Variants in SLC12A2 observed in about 807,000 individuals in gnomAD.
SLC12A2 encodes the protein solute carrier family 12 member 2.
Under a neutral mutation model 136.3 loss-of-function variants are expected in SLC12A2, and 67 were observed. The ratio of observed to expected loss-of-function variants is 0.49; its 90% CI spans 0.40 to 0.60. The LOEUF is 0.60. SLC12A2 is among the 20% of genes least tolerant of loss of function. The pLI is 0.00. For synonymous variants in SLC12A2, 619 were observed against 562.9 expected (o/e 1.10, Z -1.41); for missense variants, 1,322 against 1,534.7 (o/e 0.86, Z 2.32).
At chr5:128,111,091 T>G (rs1761126973) in intron 1 of SLC12A2, 1 of 515,090 alleles carries the variant, frequency 1.9e-6, no homozygotes, top group Non-Finnish European at 3.6e-6. Flanking sequence ...CAATATAAAA[T>G]CTGTGTGATT....
intron 1 of SLC12A2, among the ~76,000 whole-genome samples, chr5:128,100,595 A>G (rs544928020): frequency 1.3e-5 from 2 of 152,276 alleles, no homozygotes; most frequent in South Asian, 2.1e-4. Flanking sequence ...TGAGAAATAC[A>G]TGAAAAATCA....
At chr5:128,153,231 A>G (rs901712858) in intron 15 of SLC12A2, among the ~76,000 whole-genome samples, 1 of 152,180 alleles carries the variant, frequency 6.6e-6, no homozygotes, top group Non-Finnish European at 1.5e-5. Flanking sequence ...ATTTATTACT[A>G]TTTTCCTCAA....
Position 128,152,701 on chromosome 5 carries a change from C to T in SLC12A2, c.2264-5C>T. On this transcript the variant is annotated splice_polypyrimidine_tract_variant and splice_region_variant and intron_variant, in intron 14 of 26. Transcript: ENST00000262461. ...TAATGCTGCATGAACATTATCTTCC[C>T]ACAGATGTGAATTGGGGATCCTCTA... 2.5e-6 allele frequency: 4 copies of T among 1,579,250 alleles called. No homozygotes were observed. Among genetic ancestry groups the T allele is most frequent in the Non-Finnish European group, 3.5e-6 (4 of 1,148,482 alleles).
At chr5:128,178,282 T>C (rs1271637376) in intron 21 of SLC12A2, 1 of 189,024 alleles carries the variant, frequency 5.3e-6, no homozygotes, top group Non-Finnish European at 1.1e-5. Flanking sequence ...TTTATTGTTA[T>C]TTATGATTCT....
chr5:128,183,958 G>A (rs1331745692), intron 24 of SLC12A2, among the ~76,000 whole-genome samples: 2 of 151,968 alleles, frequency 1.3e-5, no homozygotes, highest in African/African-American at 2.4e-5. Context: ...TCAACCAAAA[G>A]TGTTTCAGAT....
At chr5:128,137,450 T>C (rs1016399287) in intron 7 of SLC12A2, among the ~76,000 whole-genome samples, 3 of 152,210 alleles carry the variant, frequency 2.0e-5, no homozygotes, top group Non-Finnish European at 4.4e-5. Context: ...TGTAACCACA[T>C]TGAATTAGAT....
rs917203250 is a variant in SLC12A2 at position 128,084,540 on chromosome 5, C to T, written c.586C>T (p.His196Tyr). 6.2e-7 allele frequency: 1 copy of T among 1,613,696 alleles called. No individual in the cohort carries two copies. Among genetic ancestry groups the T allele is most frequent in the Non-Finnish European group, 8.5e-7 (1 of 1,179,990 alleles). Residue 196 changes from histidine to tyrosine, a missense_variant, in exon 1 of 27, where the codon CAC becomes TAC. Transcript: ENST00000262461. The surrounding 1 kb of genome is among the most constrained non-coding windows in gnomAD (Gnocchi z 5.6). ...CGGCGGCGGCGGCGGCAGTGGGCAC[C>T]ACCAGCACTACTATTATGATACCCA... ...HSGGGGGSGH[H>Y]QHYYYDTHTN...
intron 1 of SLC12A2, among the ~76,000 whole-genome samples, chr5:128,107,552 C>A (rs181710869): frequency 7.2e-4 from 110 of 152,306 alleles, no homozygotes; most frequent in Non-Finnish European, 1.3e-3. Flanking sequence ...GTTTGGTTTT[C>A]TGTTCTTGTG....
chr5:128,125,888 C>T (rs979431272), intron 4 of SLC12A2, among the ~76,000 whole-genome samples: 7 of 152,154 alleles, frequency 4.6e-5, no homozygotes, highest in African/African-American at 1.7e-4. Context: ...CATCCTTGTA[C>T]ACATATCCAC....
At chr5:128,171,897 C>T in intron 19 of SLC12A2, 151 bp downstream of exon 19, 1 of 512,724 alleles carries the variant, frequency 2.0e-6, no homozygotes, top group East Asian at 3.3e-5. Context: ...ATCTGTTTGG[C>T]TCCACTAAAG....
intron 7 of SLC12A2, 120 bp downstream of exon 7, chr5:128,135,928 C>G: frequency 1.5e-6 from 1 of 679,694 alleles, no homozygotes; most frequent in Admixed American, 2.7e-5. Flanking sequence ...GTGATTCACC[C>G]TAATTTACAA....
intron 15 of SLC12A2, among the ~76,000 whole-genome samples, chr5:128,154,071 A>C (rs866781098): frequency 2.1e-4 from 29 of 140,370 alleles, no homozygotes; most frequent in African/African-American, 3.9e-4. Flanking sequence ...AAAAAAACAA[A>C]AAAAAAAAAC....
At chr5:128,179,444 C>G (rs1264272384) in intron 22 of SLC12A2, among the ~76,000 whole-genome samples, 1 of 152,082 alleles carries the variant, frequency 6.6e-6, no homozygotes, top group Non-Finnish European at 1.5e-5. Flanking sequence ...TTAGACTGTT[C>G]TTGTGTTGCT....
intron 1 of SLC12A2, chr5:128,110,252 T>G (rs755382136): frequency 7.4e-6 from 6 of 808,952 alleles, no homozygotes; most frequent in Admixed American, 1.7e-5. Context: ...TCCGACCTTT[T>G]CCTGGTGTGG....
intron 1 of SLC12A2, among the ~76,000 whole-genome samples, chr5:128,085,083 A>G (rs1044198185): frequency 6.6e-6 from 1 of 151,520 alleles, no homozygotes; most frequent in African/African-American, 2.4e-5. Context: ...GAGAGGTTGG[A>G]GAGCACCTAC....
At position 128,084,516 on chromosome 5, in the gene SLC12A2, G is replaced by T; in HGVS notation, c.562G>T (p.Gly188Cys). 1 of 1,606,734 alleles carries T rather than the reference G, an allele frequency of 6.2e-7. No individual in the cohort carries two copies. Among genetic ancestry groups the T allele is most frequent in the Non-Finnish European group, 8.5e-7 (1 of 1,176,348 alleles). The change falls in exon 1 of 27, where the codon GGC becomes TGC. Residue 188 changes from glycine (G) to cysteine (C), a missense_variant. Physicochemically the swap from Gly to Cys is radical, Grantham distance 159. This residue lies in a region of SLC12A2 where 358 missense variants were observed against 299.7 expected (regional missense o/e 1.19). Transcript: ENST00000262461. This position sits in a 1 kb window ranked among gnomAD's most constrained non-coding sequence, Gnocchi z 5.6. Reference protein sequence around the residue: ...VLSEGSSLHSGGGGGSGHHQH... With the variant: ...VLSEGSSLHSCGGGGSGHHQH... ...GAGCGAGGGCAGCAGCCTGCACTCCGGCGGCGGCGGCGGCAGTGGGCACCA... is the reference window on the plus strand; with the variant it reads ...GAGCGAGGGCAGCAGCCTGCACTCCTGCGGCGGCGGCGGCAGTGGGCACCA...
At chr5:128,167,658 A>T in intron 17 of SLC12A2, 103 bp from the exon 18 acceptor site, 1 of 672,142 alleles carries the variant, frequency 1.5e-6, no homozygotes, top group Non-Finnish European at 2.5e-6. Flanking sequence ...TTTTGTTAAG[A>T]GTGTCTATAG....
chr5:128,185,522 C>T (rs1453780697), intron 26 of SLC12A2, among the ~76,000 whole-genome samples: 2 of 143,998 alleles, frequency 1.4e-5, no homozygotes, highest in African/African-American at 5.5e-5. Flanking sequence ...TAACAACATT[C>T]AATAAATCAA....
intron 5 of SLC12A2, among the ~76,000 whole-genome samples, chr5:128,132,298 T>C (rs1762051215): frequency 6.6e-6 from 1 of 152,040 alleles, no homozygotes; most frequent in Non-Finnish European, 1.5e-5. Flanking sequence ...AACAGTGACT[T>C]GTGGAGCGGG....
Sources: gnomAD v4.1 joint callset for allele counts (sites outside exome capture counted in the v4.1 genomes callset) on GRCh38, gnomAD v4.1.1 for gene constraint, gnomAD v4.1.1 regional missense constraint, Gnocchi (gnomAD v3.1) non-coding constraint, MANE v1.5 for transcripts, NCBI Gene and HGNC (gene_info 2026-07-23, HGNC 2026-07-21) for gene names.